Variants in TXNRD2 observed in about 807,000 individuals in gnomAD.
The protein encoded by TXNRD2 is thioredoxin reductase 2, mitochondrial.
A neutral mutation model predicts 70.8 loss-of-function variants in TXNRD2; 67 were observed. The observed-to-expected ratio is 0.95, with a 90% CI of 0.78 to 1.16. The LOEUF is 1.16. TXNRD2 is among the 50% of genes most tolerant of loss of function. TXNRD2 has a pLI of 0.00. For missense variants in TXNRD2, 644 were observed against 719.9 expected (o/e 0.89, Z 1.21); for synonymous variants, 301 against 295.8 (o/e 1.02, Z -0.18).
chr22:19,897,014 T>C (rs955914647), intron 10 of TXNRD2, among the ~76,000 whole-genome samples: 1 of 152,158 alleles, frequency 6.6e-6, no homozygotes, highest in African/African-American at 2.4e-5. Context: ...CGGCCCCCAT[T>C]CTGCAGGCCC....
chr22:19,894,570 A>G (rs1330706965), intron 11 of TXNRD2: 2 of 155,088 alleles, frequency 1.3e-5, no homozygotes, highest in South Asian at 2.0e-4. Flanking sequence ...TGGAGGCTGC[A>G]GTGAGCTATG....
intron 2 of TXNRD2, among the ~76,000 whole-genome samples, chr22:19,919,827 T>G (rs961458629): frequency 9.8e-6 from 1 of 102,140 alleles, no homozygotes; most frequent in Admixed American, 8.6e-5. Context: ...TTCCAGTCTC[T>G]TTCTGGCACT....
At chr22:19,905,778 G>A (rs748284698) in intron 8 of TXNRD2, among the ~76,000 whole-genome samples, 14 of 151,986 alleles carry the variant, frequency 9.2e-5, no homozygotes, top group Non-Finnish European at 1.6e-4. Flanking sequence ...TCAGGACGCC[G>A]AGTGAGAACA....
At chr22:19,883,018 G>T (rs1300862010) in intron 12 of TXNRD2, among the ~76,000 whole-genome samples, 1 of 152,266 alleles carries the variant, frequency 6.6e-6, no homozygotes, top group South Asian at 2.1e-4. Context: ...ACCTGCCAGG[G>T]GTTGAGGCCT....
chr22:19,919,073 G>C (rs1490592000), intron 3 of TXNRD2, 69 bp from the exon 4 acceptor site: 3 of 1,524,228 alleles, frequency 2.0e-6, no homozygotes, highest in East Asian at 4.7e-5. Flanking sequence ...TGTTCTTCTA[G>C]AGTGTTTGGA....
At chr22:19,925,054 G>A (rs1040233390) in intron 2 of TXNRD2, among the ~76,000 whole-genome samples, 2 of 151,720 alleles carry the variant, frequency 1.3e-5, no homozygotes, top group Non-Finnish European at 2.9e-5. Context: ...GGAGGCCAAG[G>A]GGGGCGGATC....
At chr22:19,878,286 A>G (rs1001492240) in intron 15 of TXNRD2, 80 bp downstream of exon 15, 3 of 1,596,340 alleles carry the variant, frequency 1.9e-6, no homozygotes, top group Non-Finnish European at 2.6e-6. Flanking sequence ...GGGTGGGGCC[A>G]GTCCTCGGGT....
intron 2 of TXNRD2, among the ~76,000 whole-genome samples, chr22:19,926,954 G>T (rs1045129300): frequency 6.6e-6 from 1 of 152,100 alleles, no homozygotes; most frequent in Admixed American, 6.5e-5. Context: ...AATAACACAG[G>T]TTTGAACTGC....
At chr22:19,890,348 A>C (rs2145956460) in intron 11 of TXNRD2, among the ~76,000 whole-genome samples, 2 of 152,254 alleles carry the variant, frequency 1.3e-5, no homozygotes, top group South Asian at 2.1e-4. Context: ...TTACAAACTA[A>C]ATTTGCACTA....
intron 11 of TXNRD2, among the ~76,000 whole-genome samples, chr22:19,893,442 G>A (rs748521706): frequency 7.2e-5 from 11 of 152,340 alleles, no homozygotes; most frequent in East Asian, 3.9e-4. Context: ...TGTGTGTGCC[G>A]CCACCCACCC....
At chr22:19,885,922 G>A (rs1436171194) in intron 11 of TXNRD2, among the ~76,000 whole-genome samples, 1 of 152,228 alleles carries the variant, frequency 6.6e-6, no homozygotes, top group Non-Finnish European at 1.5e-5. Context: ...GATAAAAGAG[G>A]CATGGAAATA....
intron 1 of TXNRD2, among the ~76,000 whole-genome samples, chr22:19,941,238 T>C (rs1251267233): frequency 6.6e-6 from 1 of 152,142 alleles, no homozygotes; most frequent in Non-Finnish European, 1.5e-5. Flanking sequence ...TTATGATTAT[T>C]GTCCTGATTT....
chr22:19,921,172 T>G (rs549933150), intron 2 of TXNRD2, among the ~76,000 whole-genome samples: 2 of 150,742 alleles, frequency 1.3e-5, no homozygotes, highest in Non-Finnish European at 2.9e-5. Context: ...CTCAACACTT[T>G]GGGAGGCCGC....
At chr22:19,937,488 G>T (rs989819841) in intron 1 of TXNRD2, among the ~76,000 whole-genome samples, 5 of 152,190 alleles carry the variant, frequency 3.3e-5, no homozygotes, top group Non-Finnish European at 5.9e-5. Context: ...TGCGAACCAT[G>T]AGTGTAAAAT....
chr22:19,901,787 A>C (rs1489426697), intron 8 of TXNRD2, among the ~76,000 whole-genome samples: 2 of 152,158 alleles, frequency 1.3e-5, no homozygotes, highest in Non-Finnish European at 2.9e-5. Context: ...GTGGTGCAGC[A>C]ACCAACTCAA....
At chr22:19,908,153 G>C (rs892075488) in intron 8 of TXNRD2, among the ~76,000 whole-genome samples, 1 of 148,218 alleles carries the variant, frequency 6.7e-6, no homozygotes, top group Non-Finnish European at 1.5e-5. Context: ...GCTCTCAGGA[G>C]AGTGTGGGCG....
intron 16 of TXNRD2, 22 bp from the exon 17 acceptor site, chr22:19,877,256 G>A: frequency 6.2e-7 from 1 of 1,604,548 alleles, no homozygotes. Context: ...GGATGGGGGA[G>A]GCAGGCGGGG....
In TXNRD2 at chr22:19,897,979, G is replaced by A; in HGVS notation, c.774+60C>T. ...TGACTGCACTGCACCTGCCTGGGAG[G>A]GGGCTGTGGGAGGAAGGCCTCAGAG... On this transcript the variant is annotated intron_variant, in intron 10 of 17. Transcript: ENST00000400521. The A allele has an allele frequency of 2.8e-6, 4 of 1,407,134 alleles. No individual in the cohort carries two copies. The South Asian group carries it at 3.7e-5, about 13-fold the overall frequency. The allele number at this position is 1,407,134 out of a possible 1,614,324, so 87.2% of individuals were successfully genotyped here.
At chr22:19,892,523 G>A (rs1939310789) in intron 11 of TXNRD2, among the ~76,000 whole-genome samples, 1 of 152,248 alleles carries the variant, frequency 6.6e-6, no homozygotes, top group South Asian at 2.1e-4. Context: ...GAGGATGGGC[G>A]TGCAGGCCAC....
Sources: allele counts gnomAD v4.1 joint callset (sites outside exome capture counted in the v4.1 genomes callset), GRCh38; gene constraint gnomAD v4.1.1; transcripts MANE v1.5; gene names NCBI Gene and HGNC (gene_info 2026-07-23, HGNC 2026-07-21).